Variants in GRIPAP1 observed in about 807,000 individuals in gnomAD.
The protein encoded by GRIPAP1 is GRIP1 associated protein 1.
In GRIPAP1, 14 loss-of-function variants were observed where a neutral mutation model predicts 84.1. The ratio of observed to expected loss-of-function variants is 0.17; its 90% CI spans 0.11 to 0.26. The LOEUF is 0.26. Among genes scored for constraint, GRIPAP1 ranks in the 10% least tolerant of loss-of-function variants. The pLI is 1.00. For missense variants in GRIPAP1, 518 were observed against 674.2 expected, an observed-to-expected ratio of 0.77 and a Z score of 2.57; for synonymous variants, 261 against 256.8, an observed-to-expected ratio of 1.02 and a Z score of -0.15.
chrX:48,998,199 G>A lies in GRIPAP1; in HGVS notation c.172-19C>T. Reference sequence around the variant, plus strand: ...TCAGTGCCTAAAGTGGGGGTGGGTGGGAAGAGAGCTAAAGTGAACAGAGAT... The same window carrying A: ...TCAGTGCCTAAAGTGGGGGTGGGTGAGAAGAGAGCTAAAGTGAACAGAGAT... On this transcript the variant is annotated intron_variant, in intron 3 of 25. Transcript: ENST00000376423. The A allele has an allele frequency of 1.7e-6, 2 of 1,161,654 alleles. No individual in the cohort carries two copies. Among genetic ancestry groups the A allele is most frequent in the Non-Finnish European group, 2.3e-6 (2 of 852,662 alleles).
At chrX:48,987,942 CAAGA>C (rs1557064384) in intron 12 of GRIPAP1, 65 bp from the exon 13 acceptor site, 8 of 571,162 alleles carry the variant, frequency 1.4e-5, no homozygotes, top group South Asian at 7.5e-5. Context: ...TACCCACGAC[CAAGA>C]AAGAAAGGAC....
At chrX:48,980,998 G>A (rs1473568402) in intron 21 of GRIPAP1, among the ~76,000 whole-genome samples, 1 of 112,047 alleles carries the variant, frequency 8.9e-6, no homozygotes, top group African/African-American at 3.2e-5. Context: ...GACAGAAACA[G>A]AGAAGAGACA....
chrX:48,985,993 A>G (rs1557063623), intron 13 of GRIPAP1, among the ~76,000 whole-genome samples: 2 of 111,443 alleles, frequency 1.8e-5, no homozygotes, highest in African/African-American at 6.5e-5. Context: ...CTGTAATCCC[A>G]GCACTCTGGG....
At chrX:48,979,627 T>C (rs1262151270) in intron 21 of GRIPAP1, among the ~76,000 whole-genome samples, 5 of 108,086 alleles carry the variant, frequency 4.6e-5, no homozygotes, top group Non-Finnish European at 9.6e-5. Context: ...ATTATTATTT[T>C]TTAGACAGAG....
At chrX:48,983,565 G>A in intron 15 of GRIPAP1, 125 bp from the exon 16 acceptor site, 3 of 570,258 alleles carry the variant, frequency 5.3e-6, no homozygotes, top group Non-Finnish European at 8.7e-6. Context: ...AACTGGCTAA[G>A]GCACTCACCC....
chrX:48,992,827 C>CT (rs1313693299), intron 6 of GRIPAP1, among the ~76,000 whole-genome samples: 22 of 106,634 alleles, frequency 2.1e-4, no homozygotes, highest in Non-Finnish European at 2.5e-4. Flanking sequence ...CAAATATCTC[C>CT]TTTTTTTTTT....
At chrX:48,994,580 C>G (rs1253664779) in intron 5 of GRIPAP1, among the ~76,000 whole-genome samples, 2 of 111,955 alleles carry the variant, frequency 1.8e-5, no homozygotes, top group African/African-American at 6.5e-5. Flanking sequence ...CTTCACCTAA[C>G]TGGCTTCTTT....
intron 5 of GRIPAP1, among the ~76,000 whole-genome samples, chrX:48,994,500 A>G (rs930569031): frequency 9.0e-6 from 1 of 111,472 alleles, no homozygotes; most frequent in Non-Finnish European, 1.9e-5. Context: ...CTGGGATTAC[A>G]GGCATGAGCC....
chrX:48,998,333 A>G (rs1455792892), intron 3 of GRIPAP1, among the ~76,000 whole-genome samples, 153 bp from the exon 4 acceptor site: 1 of 112,356 alleles, frequency 8.9e-6, no homozygotes, highest in African/African-American at 3.2e-5. Flanking sequence ...ATGTGTGACA[A>G]TTTGGAGCCC....
In GRIPAP1 at chrX:48,978,691, C is replaced by T. The variant is rs185437319; in HGVS notation, c.1931-256G>A. Among the ~76,000 whole-genome samples, 748 of 109,476 alleles carry T rather than the reference C, an allele frequency of 6.8e-3. 2 individuals carry two copies. Among genetic ancestry groups the T allele is most frequent in the Non-Finnish European group, 0.01 (534 of 52,540 alleles). ...GGCTGATCACTTGATGTCAGGAGTT[C>T]GAGAACAGCCTGGCCAACATGAAGA... is the stretch of plus-strand genomic sequence containing the variant. On this transcript the variant is annotated intron_variant, in intron 21 of 25. Coordinates refer to ENST00000376423, the MANE Select transcript of GRIPAP1 (RefSeq NM_020137.5).
chrX:48,998,264 G>T, intron 3 of GRIPAP1, 84 bp from the exon 4 acceptor site: 1 of 653,043 alleles, frequency 1.5e-6, no homozygotes. Context: ...TGTGCCAAGC[G>T]TTTTGGGAGG....
At chrX:48,987,286 T>C (rs2147741004) in intron 13 of GRIPAP1, among the ~76,000 whole-genome samples, 1 of 104,403 alleles carries the variant, frequency 9.6e-6, no homozygotes, top group East Asian at 3.0e-4. Flanking sequence ...GTAGCTGGGA[T>C]TACAGGCACA....
chrX:48,985,134 G>A (rs1557063385), intron 14 of GRIPAP1, 134 bp downstream of exon 14: 3 of 455,357 alleles, frequency 6.6e-6, no homozygotes, highest in Admixed American at 7.2e-5. Context: ...GAACACACAG[G>A]TGCTAATAAG....
chrX:48,974,978 T>C (rs934719949), intron 25 of GRIPAP1, among the ~76,000 whole-genome samples, 177 bp downstream of exon 25: 5 of 109,773 alleles, frequency 4.6e-5, no homozygotes, highest in African/African-American at 1.7e-4. Context: ...GGATAATAAG[T>C]TGATGAGAGG....
rs782134456 is a variant in GRIPAP1 at position 48,983,443 on chromosome X, G to A, written c.1273-3C>T. On this transcript the variant is annotated splice_region_variant and splice_polypyrimidine_tract_variant and intron_variant, in intron 15 of 25. Transcript: ENST00000376423. ...ATGGCCTTCCGCTTCTCCGCACTCT[G>A]GGGGCCAGGACGATGGCAGTCAACT... 1.7e-6 allele frequency: 2 copies of A among 1,201,670 alleles called. No individual in the cohort carries two copies. The highest frequency in any genetic ancestry group is 3.5e-5 in the South Asian group (2 of 56,724).
rs782614212 is a variant in GRIPAP1, at chrX:48,991,055, G to A, written c.513C>T (p.Gly171=). ...CCAGGCCCCCTGGGGGATCCCCCTG[G>A]CCCTCACTGACAGCTGAGAACTTCC... ...EAGKFSAVSE[G]QGDPPGGLAP... Residue 171 remains glycine (G), a synonymous_variant, in exon 7 of 26, where the codon GGC becomes GGT. Coordinates refer to ENST00000376423, the MANE Select transcript of GRIPAP1 (RefSeq NM_020137.5). The A allele has an allele frequency of 5.8e-6, 7 of 1,203,678 alleles. No individual in the cohort carries two copies. In the Admixed American group the frequency reaches 6.5e-5, roughly 11 times the overall value.
intron 21 of GRIPAP1, among the ~76,000 whole-genome samples, chrX:48,979,758 G>A (rs888900690): frequency 6.5e-4 from 47 of 71,808 alleles, no homozygotes; most frequent in African/African-American, 2.3e-3. Context: ...GATTACAGGC[G>A]CCCGCCACCA....
At chrX:48,980,425 C>A (rs782765763) in intron 21 of GRIPAP1, among the ~76,000 whole-genome samples, 1 of 110,582 alleles carries the variant, frequency 9.0e-6, no homozygotes, top group Non-Finnish European at 1.9e-5. Flanking sequence ...TGTACTTGAG[C>A]AGGGAGATTT....
In GRIPAP1 at chrX:48,976,029, T is replaced by C. The variant is rs2064420852; in HGVS notation, c.2267A>G (p.Asp756Gly). The change falls in exon 24 of 26, where the codon GAC becomes GGC. Residue 756 changes from aspartate (D) to glycine (G), a missense_variant. Around this residue, in one of 5 missense-constraint regions of GRIPAP1, gnomAD observed 32 missense variants for 82.4 expected, o/e 0.39. Transcript: ENST00000376423. ...KSAIIETYVMDSRIDVSVAAG... is the reference protein window; with the variant it reads ...KSAIIETYVMGSRIDVSVAAG... Reference sequence around the variant, plus strand: ...GAGGGGACACTGACCGATCCGGCTGTCCATGACGTAGGTCTCAATGATGGC... The same window carrying C: ...GAGGGGACACTGACCGATCCGGCTGCCCATGACGTAGGTCTCAATGATGGC... 8.3e-7 allele frequency: 1 copy of C among 1,208,366 alleles called. No homozygotes were observed. The highest frequency in any genetic ancestry group is 1.8e-5 in the African/African-American group (1 of 57,080).
Sources: allele counts gnomAD v4.1 joint callset (sites outside exome capture counted in the v4.1 genomes callset), GRCh38; gene constraint gnomAD v4.1.1; regional missense constraint gnomAD v4.1.1; transcripts MANE v1.5; gene names NCBI Gene and HGNC (gene_info 2026-07-23, HGNC 2026-07-21).